The following TENM2 variants were observed in gnomAD, a reference collection of about 807,000 sequenced individuals.
TENM2 encodes the protein teneurin-2.
Under a neutral mutation model 245.2 loss-of-function variants are expected in TENM2, and 52 were observed. The observed-to-expected ratio is 0.21, with a 90% CI of 0.17 to 0.27. TENM2 has a LOEUF of 0.27. TENM2 is among the 10% of genes least tolerant of loss of function. TENM2 has a pLI of 1.00. For missense variants in TENM2, 3,046 were observed against 3,666.8 expected (o/e 0.83, Z 4.37); for synonymous variants, 1,363 against 1,438.9 (o/e 0.95, Z 1.19).
At chr5:167,488,475 C>G (rs1423814430) in intron 2 of TENM2, among the ~76,000 whole-genome samples, 1 of 152,108 alleles carries the variant, frequency 6.6e-6, no homozygotes, top group African/African-American at 2.4e-5. Flanking sequence ...CCCAGCCAAT[C>G]ACTCCCTCCT....
At chr5:168,203,768 G>T (rs542837601) in exon 18 of TENM2, 2 of 1,613,568 alleles carry the variant, frequency 1.2e-6, no homozygotes, top group South Asian at 1.1e-5. Flanking sequence ...AGGGATTCGA[G>T]CTGGACCCCT....
chr5:168,103,727 T>C (rs1311730137), intron 9 of TENM2, among the ~76,000 whole-genome samples: 1 of 152,226 alleles, frequency 6.6e-6, no homozygotes, highest in East Asian at 1.9e-4. Flanking sequence ...TGAGTGTGTG[T>C]GCCTTTGTTC....
intron 1 of TENM2, among the ~76,000 whole-genome samples, chr5:167,289,250 A>G (rs1295567126): frequency 2.0e-5 from 3 of 152,214 alleles, no homozygotes; most frequent in East Asian, 1.9e-4. Flanking sequence ...TAACAAAGAA[A>G]GGTGTCACTA....
At chr5:167,493,746 G>C (rs1210934195) in intron 2 of TENM2, among the ~76,000 whole-genome samples, 1 of 152,020 alleles carries the variant, frequency 6.6e-6, no homozygotes, top group African/African-American at 2.4e-5. Context: ...CGTTTCTGTA[G>C]GGGTCCACTC....
intron 5 of TENM2, among the ~76,000 whole-genome samples, chr5:167,999,394 G>A (rs1008687668): frequency 2.6e-5 from 4 of 152,214 alleles, no homozygotes; most frequent in African/African-American, 9.6e-5. Context: ...TTATCTAATA[G>A]ATATGCTAAT....
rs758205828 is a variant in TENM2 at position 168,098,167 on chromosome 5, C to A, written c.1813+40C>A. ...TTCCCTGCTATGGTTGGAAAACAGA[C>A]CCTCCCTAGGCTTCTCTGAGCGGGT... On this transcript the variant is annotated intron_variant, in intron 9 of 28. Coordinates refer to ENST00000518659, the Ensembl canonical transcript of TENM2. 1.3e-5 allele frequency: 19 copies of A among 1,447,200 alleles called. No homozygotes were observed. In the South Asian group the frequency reaches 2.0e-4, roughly 15 times the overall value. 89.6% of individuals were successfully genotyped at this position (1,447,200 alleles called of 1,614,324 possible). A position where few individuals can be genotyped will look rare whatever the true frequency, so the allele number is the denominator to read the frequency against.
intron 2 of TENM2, among the ~76,000 whole-genome samples, chr5:167,668,503 C>T (rs188707366): frequency 1.1e-4 from 16 of 152,254 alleles, no homozygotes; most frequent in African/African-American, 1.4e-4. Flanking sequence ...ATCATTCATA[C>T]GCTGTAATGG....
At chr5:167,663,141 G>GGA (rs544699415) in intron 2 of TENM2, among the ~76,000 whole-genome samples, 5,675 of 108,148 alleles carry the variant, frequency 0.052, 82 homozygotes, top group Non-Finnish European at 0.068. Flanking sequence ...ATGGGGATGG[G>GGA]GAGAGAGAGA....
At chr5:167,466,019 A>G (rs1039931702) in intron 2 of TENM2, among the ~76,000 whole-genome samples, 6 of 152,036 alleles carry the variant, frequency 3.9e-5, no homozygotes, top group African/African-American at 1.4e-4. Context: ...AAGAAAAAAG[A>G]CCTAATGGTG....
At chr5:167,605,368 A>T (rs1416646830) in intron 2 of TENM2, among the ~76,000 whole-genome samples, 1 of 152,170 alleles carries the variant, frequency 6.6e-6, no homozygotes, top group African/African-American at 2.4e-5. Context: ...TAAGGATATG[A>T]ACCAGGAATA....
Position 168,238,304 on chromosome 5 carries a change from A to AAAAGAAAAG in TENM2, c.5521-6115_5521-6114insAAGAAAAGA, listed in dbSNP as rs879494722. Among the ~76,000 whole-genome samples, 286 of 107,388 alleles carry AAAAGAAAAG rather than the reference A, an allele frequency of 2.7e-3. 10 individuals are homozygous for AAAAGAAAAG. The highest frequency in any genetic ancestry group is 3.3e-3 in the Non-Finnish European group (173 of 52,574). 70.5% of individuals were successfully genotyped at this position (107,388 alleles called of 152,430 possible). On this transcript the variant is annotated intron_variant, in intron 25 of 28. Transcript: ENST00000518659. Reference sequence around the variant, plus strand: ...GAAAAGAAAAGAAAAGAAAAGAAAAAATCCCAGAAGACTGACCCGGAAAGA... The same window carrying AAAAGAAAAG: ...GAAAAGAAAAGAAAAGAAAAGAAAAAAAAGAAAAGATCCCAGAAGACTGACCCGGAAAGA...
the TENM2 span, among the ~76,000 whole-genome samples, chr5:167,008,527 A>G: frequency 1.3e-5 from 2 of 152,082 alleles, no homozygotes; most frequent in Non-Finnish European, 2.9e-5. Context: ...AGGACACTTG[A>G]GTCTCCTTAC....
At chr5:168,135,336 T>G (rs878864170) in intron 12 of TENM2, among the ~76,000 whole-genome samples, 2 of 152,238 alleles carry the variant, frequency 1.3e-5, no homozygotes, top group Admixed American at 1.3e-4. Context: ...CCTCGCAAGT[T>G]TCCTGCCTAA....
chr5:167,797,109 C>T (rs546117065), intron 2 of TENM2, among the ~76,000 whole-genome samples: 2 of 152,214 alleles, frequency 1.3e-5, no homozygotes, highest in African/African-American at 4.8e-5. Context: ...TAATCTTAGC[C>T]TAACATTGAC....
chr5:166,996,267 C>T, the TENM2 span, among the ~76,000 whole-genome samples: 1 of 152,086 alleles, frequency 6.6e-6, no homozygotes, highest in African/African-American at 2.4e-5. Flanking sequence ...GGCGTGAACC[C>T]GGGAGGCGGA....
intron 13 of TENM2, among the ~76,000 whole-genome samples, chr5:168,171,098 T>C (rs1460917627): frequency 1.3e-5 from 2 of 152,240 alleles, no homozygotes; most frequent in African/African-American, 4.8e-5. Context: ...TATCACTGGC[T>C]CAATGTAGTC....
intron 8 of TENM2, among the ~76,000 whole-genome samples, chr5:168,095,799 A>G (rs567902400): frequency 3.3e-5 from 5 of 152,194 alleles, no homozygotes; most frequent in Admixed American, 6.5e-5. Context: ...AGCCTGACAC[A>G]GTTTCATGGA....
At position 167,705,495 on chromosome 5, in the gene TENM2, T is replaced by TA. The variant is rs572923917; in HGVS notation, c.503-170490dup. The stretch of plus-strand genomic sequence containing the variant: ...GTGGCTGTATTATTGGACTCCTCCT[T>TA]ACCAATTGTCTACCTTTGCTATCTA... On this transcript the variant is annotated intron_variant, in intron 2 of 28. Transcript: ENST00000518659. Among the ~76,000 whole-genome samples the TA allele has an allele frequency of 5.3e-5, 8 of 152,288 alleles. No homozygotes were observed. The South Asian group carries it at 1.7e-3, about 32-fold the overall frequency.
chr5:167,071,064 G>T, the TENM2 span, among the ~76,000 whole-genome samples: 3 of 152,040 alleles, frequency 2.0e-5, no homozygotes, highest in Non-Finnish European at 2.9e-5. Context: ...CTTGTCCAAG[G>T]CTTCACAGTT....
Sources: gnomAD v4.1 joint callset for allele counts (sites outside exome capture counted in the v4.1 genomes callset) on GRCh38, gnomAD v4.1.1 for gene constraint, MANE v1.5 for transcripts, NCBI Gene and HGNC (gene_info 2026-07-23, HGNC 2026-07-21) for gene names.